The following BCAR1 variants were observed in gnomAD, a reference collection of about 807,000 sequenced individuals.
BCAR1 encodes the protein BCAR1 scaffold protein, Cas family member.
Under a neutral mutation model 67.6 loss-of-function variants are expected in BCAR1, and 30 were observed. That is an observed-to-expected ratio of 0.44 (90% CI 0.33 to 0.60). BCAR1 has a LOEUF of 0.60. BCAR1 is among the 20% of genes least tolerant of loss of function. The probability of loss-of-function intolerance (pLI) is 0.02; values close to 1 mark genes in which losing one functional copy is unlikely to be tolerated. For missense variants in BCAR1, 1,313 were observed against 1,222.3 expected (o/e 1.07, Z -1.11); for synonymous variants, 626 against 556.7 (o/e 1.12, Z -1.75).
chr16:75,237,772 A>AGTCT (rs2077193430), intron 2 of BCAR1, among the ~76,000 whole-genome samples: 2 of 152,264 alleles, frequency 1.3e-5, no homozygotes, highest in South Asian at 4.1e-4. Context: ...GAGGCCTGGG[A>AGTCT]GTCTGCTGCC....
intron 1 of BCAR1, chr16:75,249,393 AGGGCCTCTCCTGTGCTCG>A: frequency 6.6e-6 from 1 of 152,288 alleles, no homozygotes. Context: ...AGGTGGAGCC[AGGGCCTCTCCTGTGCTCG>A]GAGGGCCAGG....
chr16:75,236,747 A>G (rs1289012201), intron 4 of BCAR1, 135 bp downstream of exon 4: 1 of 1,382,712 alleles, frequency 7.2e-7, no homozygotes, highest in East Asian at 2.7e-5. Flanking sequence ...TCAACCATCC[A>G]GAACCAGGGT....
intron 1 of BCAR1, among the ~76,000 whole-genome samples, chr16:75,257,605 C>T (rs1348426641): frequency 6.6e-6 from 1 of 152,244 alleles, no homozygotes; most frequent in Non-Finnish European, 1.5e-5. Context: ...CAGGTGTGCA[C>T]CGCCATGCCT....
chr16:75,242,869 A>T lies in BCAR1; in HGVS notation c.234T>A (p.Pro78=). The change falls in exon 2 of 7, where the codon CCT becomes CCA. Residue 78 remains proline (P), a synonymous_variant. Transcript: ENST00000162330. ...GCTGAGGCTGGGCCGGGGTGGCGGG[A>T]GGGCCGGGGCCAGGCCCTGCTGGCT... The part of the protein sequence containing the change: ...DKKPAGPGPG[P]PATPAQPQPG... 1 of 1,609,256 alleles carries T rather than the reference A, an allele frequency of 6.2e-7. No homozygotes were observed. The highest frequency in any genetic ancestry group is 8.5e-7 in the Non-Finnish European group (1 of 1,178,968).
chr16:75,263,803 GA>G, intron 1 of BCAR1: 1 of 987,988 alleles, frequency 1.0e-6, no homozygotes, highest in African/African-American at 1.7e-5. Context: ...GGCAGGGCTT[GA>G]GCAGGCAGCT....
chr16:75,240,557 G>A (rs1410404437), intron 2 of BCAR1, among the ~76,000 whole-genome samples: 1 of 152,222 alleles, frequency 6.6e-6, no homozygotes, highest in Non-Finnish European at 1.5e-5. Flanking sequence ...GAAACACAGG[G>A]CAGATACTAG....
At chr16:75,264,693 G>A (rs1003336048) in intron 1 of BCAR1, 4 of 1,231,784 alleles carry the variant, frequency 3.2e-6, no homozygotes, top group Non-Finnish European at 4.1e-6. Flanking sequence ...CTTCCCTCTG[G>A]TCATCTGCAC....
chr16:75,243,254 C>A (rs1369241020), intron 1 of BCAR1, among the ~76,000 whole-genome samples, 164 bp from the exon 2 acceptor site: 1 of 152,102 alleles, frequency 6.6e-6, no homozygotes, highest in Non-Finnish European at 1.5e-5. Context: ...CTGTCCCCAC[C>A]TGTTCCCCAG....
At chr16:75,237,943 G>A (rs947215148) in intron 2 of BCAR1, 6 of 959,496 alleles carry the variant, frequency 6.3e-6, no homozygotes, top group Admixed American at 2.5e-5. Context: ...GCTGGGGGGC[G>A]CAGCAGCTGG....
At chr16:75,234,829 C>A (rs986041116) in intron 5 of BCAR1, 60 bp downstream of exon 5, 3 of 1,509,794 alleles carry the variant, frequency 2.0e-6, no homozygotes, top group East Asian at 2.3e-5. Context: ...CAAATCTCCC[C>A]CTAAGCACAG....
chr16:75,235,267 C>T lies in BCAR1; in HGVS notation c.1632G>A (p.Gln544=), dbSNP rs1049166678. ...GGTGCACGTCCTCCATCTTCTGCAG[C>T]TGCCGGCTAAGCTTGGCATGCAGGG... is the stretch of plus-strand genomic sequence containing the variant. ...DRALHAKLSR[Q]LQKMEDVHQT... Residue 544 remains glutamine, a synonymous_variant, in exon 5 of 7, where the codon CAG becomes CAA. Coordinates refer to ENST00000162330, the MANE Select transcript of BCAR1 (RefSeq NM_014567.5). The T allele has an allele frequency of 3.1e-6, 5 of 1,606,178 alleles. No individual in the cohort carries two copies. In the African/African-American group the frequency reaches 5.3e-5, roughly 17 times the overall value.
chr16:75,229,572 T>C lies in BCAR1; in HGVS notation c.2552A>G (p.Lys851Arg). The C allele has an allele frequency of 5.6e-6, 9 of 1,609,764 alleles. No homozygotes were observed. The highest frequency in any genetic ancestry group is 7.6e-6 in the Non-Finnish European group (9 of 1,179,004). Residue 851 changes from lysine to arginine, a missense_variant, in exon 7 of 7, where the codon AAG (lysine) becomes AGG (arginine). Transcript: ENST00000162330. ...SAAQDMVERVKELGHSTQQFR... is the reference protein window; with the variant it reads ...SAAQDMVERVRELGHSTQQFR... ...CTGCTGGGTGCTGTGGCCCAGCTCC[T>C]TGACCCTCTCCACCATGTCCTGGGC...
intron 4 of BCAR1, 75 bp downstream of exon 4, chr16:75,236,807 T>C: frequency 6.5e-7 from 1 of 1,538,684 alleles, no homozygotes; most frequent in Non-Finnish European, 8.8e-7. Context: ...CAGACACTGG[T>C]CAGCACCCCT....
rs1354827910 is a variant in BCAR1, at chr16:75,229,807, G to T, written c.2317C>A (p.Gln773Lys). 6.2e-7 allele frequency: 1 copy of T among 1,613,556 alleles called. No homozygotes were observed. The highest frequency in any genetic ancestry group is 8.5e-7 in the Non-Finnish European group (1 of 1,180,002). ...DAFFTAVATN[Q>K]PPKIFVAHSK... ...TGCGCCACAAAGATCTTGGGCGGCT[G>T]GTTGGTGGCCACGGCGGTAAAGAAG... Residue 773 changes from glutamine to lysine, a missense_variant, in exon 7 of 7, where the codon CAG becomes AAG. Around this residue, in one of 2 missense-constraint regions of BCAR1, gnomAD observed 1,272 missense variants for 1,137.5 expected, o/e 1.12. Transcript: ENST00000162330.
intron 2 of BCAR1, among the ~76,000 whole-genome samples, chr16:75,237,738 C>A (rs1291350951): frequency 6.6e-6 from 1 of 152,192 alleles, no homozygotes; most frequent in Non-Finnish European, 1.5e-5. Flanking sequence ...GGCGCCTAGC[C>A]CCACAGGACA....
chr16:75,267,431 C>G (rs1183957714), intron 1 of BCAR1, among the ~76,000 whole-genome samples: 1 of 152,010 alleles, frequency 6.6e-6, no homozygotes, highest in African/African-American at 2.4e-5. Context: ...ACAGCTGCCA[C>G]CTCCTCAAAG....
intron 3 of BCAR1, 22 bp downstream of exon 3, chr16:75,237,161 C>T (rs1402836503): frequency 1.3e-6 from 2 of 1,516,564 alleles, no homozygotes; most frequent in Non-Finnish European, 1.8e-6. Flanking sequence ...TGCCCTCCCA[C>T]CGCTGCGCAC....
rs747218850 is a variant in BCAR1, at chr16:75,235,293, C to A, written c.1606G>T (p.Ala536Ser). 7 of 1,606,200 alleles carry A rather than the reference C, an allele frequency of 4.4e-6. No individual in the cohort carries two copies. The Admixed American group carries it at 1.2e-4, about 27-fold the overall frequency. Residue 536 changes from alanine (A) to serine (S), a missense_variant, in exon 5 of 7, where the codon GCC (alanine) becomes TCC (serine). By Grantham distance (99) the Ala-to-Ser change is moderately conservative (BLOSUM62 1). Around this residue, in one of 2 missense-constraint regions of BCAR1, gnomAD observed 1,272 missense variants for 1,137.5 expected, o/e 1.12. Transcript: ENST00000162330. ...TGCCGGCTAAGCTTGGCATGCAGGG[C>A]ACGGTCAGATGTGTGGGCAGCATTG... ...VGNAAHTSDRALHAKLSRQLQ... is the reference protein window; with the variant it reads ...VGNAAHTSDRSLHAKLSRQLQ...
Position 75,233,903 on chromosome 16 carries a change from C to T in BCAR1, c.2043G>A (p.Glu681=), listed in dbSNP as rs2076991795. 6.2e-7 allele frequency: 1 copy of T among 1,610,560 alleles called. No individual in the cohort carries two copies. The highest frequency in any genetic ancestry group is 1.7e-5 in the Admixed American group (1 of 59,524). The change falls in exon 6 of 7, where the codon GAG becomes GAA. Residue 681 remains glutamate, a synonymous_variant. Coordinates refer to ENST00000162330, the MANE Select transcript of BCAR1 (RefSeq NM_014567.5). ...GCGTGATGCTGCCCTTTTCCAGCAGCTCCTTCTGGGTCTTCTCAAACTCCT... is the reference window on the plus strand; with the variant it reads ...GCGTGATGCTGCCCTTTTCCAGCAGTTCCTTCTGGGTCTTCTCAAACTCCT... ...GKEEFEKTQK[E]LLEKGSITRQ...
Sources: gnomAD v4.1 joint callset for allele counts (sites outside exome capture counted in the v4.1 genomes callset) on GRCh38, gnomAD v4.1.1 for gene constraint, gnomAD v4.1.1 regional missense constraint, MANE v1.5 for transcripts, NCBI Gene and HGNC (gene_info 2026-07-23, HGNC 2026-07-21) for gene names.